PIGF: variants seen among roughly 807,000 people sequenced by gnomAD.
PIGF encodes the protein phosphatidylinositol glycan anchor biosynthesis class F.
PIGF carries 23 observed loss-of-function variants against 26.0 expected under a neutral mutation model. The ratio of observed to expected loss-of-function variants is 0.88; its 90% CI spans 0.64 to 1.25. The LOEUF (loss-of-function observed/expected upper bound fraction) is 1.25. Among genes scored for constraint, PIGF ranks in the 50% most tolerant of loss-of-function variants. The pLI, the probability that PIGF is intolerant of heterozygous loss-of-function variation, is 0.00. For missense variants in PIGF, 278 were observed against 249.9 expected, an observed-to-expected ratio of 1.11 and a Z score of -0.76; for synonymous variants, 93 against 92.6, an observed-to-expected ratio of 1.00 and a Z score of -0.03.
chr2:46,608,844 G>A (rs1670307111), intron 4 of PIGF, among the ~76,000 whole-genome samples: 1 of 152,116 alleles, frequency 6.6e-6, no homozygotes, highest in Non-Finnish European at 1.5e-5. Flanking sequence ...ATAAACAGAT[G>A]TGCTGTCATC....
At chr2:46,581,766 T>C in intron 5 of PIGF, 175 bp from the exon 6 acceptor site, 1 of 858,354 alleles carries the variant, frequency 1.2e-6, no homozygotes, top group Non-Finnish European at 1.7e-6. Context: ...CACATTTTAG[T>C]TAATGTGCAT....
At chr2:46,598,179 T>TGCA (rs1669946513) in intron 4 of PIGF, among the ~76,000 whole-genome samples, 1 of 152,176 alleles carries the variant, frequency 6.6e-6, no homozygotes, top group Non-Finnish European at 1.5e-5. Flanking sequence ...TCTCTGAATA[T>TGCA]GCATTTTGAC....
rs773273840 is a variant in PIGF, at chr2:46,588,138, A to G, written c.546+4337T>C. ...CAGTACCAAGCCCCCTGCAGGGTAC[A>G]TGGAGAGATCTATAAGTGCTACGTT... On this transcript the variant is annotated intron_variant, in intron 5 of 5. Transcript: ENST00000281382. The surrounding 1 kb of genome is among the most constrained non-coding windows in gnomAD (Gnocchi z 4.1). 1 of 1,613,118 alleles carries G rather than the reference A, an allele frequency of 6.2e-7. No homozygotes were observed. The highest frequency in any genetic ancestry group is 2.2e-5 in the East Asian group (1 of 44,800).
In PIGF at chr2:46,591,546, T is replaced by A. The variant is rs182340124; in HGVS notation, c.546+929A>T. The A allele has an allele frequency of 7.6e-6, 7 of 925,632 alleles. No individual in the cohort carries two copies. In the Admixed American group the frequency reaches 1.9e-4, roughly 24 times the overall value. 57.3% of individuals were successfully genotyped at this position (925,632 alleles called of 1,614,324 possible). A position where few individuals can be genotyped will look rare whatever the true frequency, so the allele number is the denominator to read the frequency against. On this transcript the variant is annotated intron_variant, in intron 5 of 5. Coordinates refer to ENST00000281382, the MANE Select transcript of PIGF (RefSeq NM_002643.4). ...GGAGTAATTACTCTGTGAACCTAAT[T>A]AGAAAAATTCAAGAAGCTATAGATT...
At chr2:46,602,776 C>T (rs1217343755) in intron 4 of PIGF, among the ~76,000 whole-genome samples, 1 of 151,802 alleles carries the variant, frequency 6.6e-6, no homozygotes, top group Non-Finnish European at 1.5e-5. Flanking sequence ...TAGGAAAAAG[C>T]ATGTACTATT....
intron 5 of PIGF, among the ~76,000 whole-genome samples, chr2:46,586,539 T>C (rs942067386): frequency 5.9e-5 from 9 of 152,194 alleles, no homozygotes; most frequent in African/African-American, 2.2e-4. Context: ...TACAGACATT[T>C]AGAACAACTC....
At chr2:46,594,528 G>A (rs1669820750) in intron 4 of PIGF, among the ~76,000 whole-genome samples, 1 of 123,748 alleles carries the variant, frequency 8.1e-6, no homozygotes, top group African/African-American at 3.5e-5. Context: ...AAGTAGGGCA[G>A]AGTTAGGATT....
At chr2:46,587,998 G>C in intron 5 of PIGF, 1 of 1,266,264 alleles carries the variant, frequency 7.9e-7, no homozygotes, top group Middle Eastern at 2.0e-4. Context: ...TCCCACCTGA[G>C]TAATGCTAAG....
chr2:46,596,463 A>G (rs1669888893), intron 4 of PIGF, among the ~76,000 whole-genome samples: 1 of 152,174 alleles, frequency 6.6e-6, no homozygotes, highest in Admixed American at 6.5e-5. Context: ...TTTTAAAAAT[A>G]GAAAAACTCT....
At chr2:46,593,006 T>G (rs1669769544) in intron 4 of PIGF, among the ~76,000 whole-genome samples, 1 of 152,232 alleles carries the variant, frequency 6.6e-6, no homozygotes. Flanking sequence ...CATGTACATA[T>G]GTATATTTCT....
At chr2:46,611,982 A>G (rs1487009276) in intron 4 of PIGF, among the ~76,000 whole-genome samples, 3 of 151,598 alleles carry the variant, frequency 2.0e-5, no homozygotes, top group Non-Finnish European at 2.9e-5. Context: ...TTAAACAAAC[A>G]AAAGGCTAGG....
At chr2:46,597,320 A>C (rs958894596) in intron 4 of PIGF, among the ~76,000 whole-genome samples, 11 of 152,158 alleles carry the variant, frequency 7.2e-5, no homozygotes, top group African/African-American at 2.7e-4. Context: ...GAAAGGGTAC[A>C]TGGAAAATAG....
intron 2 of PIGF, 149 bp from the exon 3 acceptor site, chr2:46,613,934 G>C (rs1443252617): frequency 1.5e-6 from 1 of 651,044 alleles, no homozygotes; most frequent in Admixed American, 3.5e-5. Context: ...CACATGTCCT[G>C]TACCGTCACA....
intron 5 of PIGF, chr2:46,582,957 T>G (rs1320360396): frequency 2.6e-5 from 4 of 152,218 alleles, no homozygotes; most frequent in Non-Finnish European, 5.9e-5. Flanking sequence ...TGGCCTTATG[T>G]ATGCTCAAAT....
chr2:46,613,407 C>G (rs1204698606), intron 3 of PIGF, among the ~76,000 whole-genome samples: 2 of 152,116 alleles, frequency 1.3e-5, no homozygotes, highest in Non-Finnish European at 2.9e-5. Flanking sequence ...TAAGTTCTTT[C>G]AGAGGTTCTA....
At chr2:46,610,526 C>CTTTTTTT (rs10690699) in intron 4 of PIGF, among the ~76,000 whole-genome samples, 1 of 110,316 alleles carries the variant, frequency 9.1e-6, no homozygotes, top group East Asian at 2.3e-4. Context: ...GTACTGATTC[C>CTTTTTTT]TTTTTTTTTT....
At chr2:46,613,937 C>T (rs1221825109) in intron 2 of PIGF, 152 bp from the exon 3 acceptor site, 1 of 630,160 alleles carries the variant, frequency 1.6e-6, no homozygotes, top group South Asian at 2.0e-5. Flanking sequence ...ATGTCCTGTA[C>T]CGTCACATAC....
In PIGF at chr2:46,594,741, G is replaced by A. The variant is rs1669828296; in HGVS notation, c.438-2158C>T. On this transcript the variant is annotated intron_variant, in intron 4 of 5. Coordinates refer to ENST00000281382, the MANE Select transcript of PIGF (RefSeq NM_002643.4). ...AGTAGAGATGGGGTTTCACCATGTTGGCCAGGCTGGTCTCGAACTCCTGAC... is the reference window on the plus strand; with the variant it reads ...AGTAGAGATGGGGTTTCACCATGTTAGCCAGGCTGGTCTCGAACTCCTGAC... Among the ~76,000 whole-genome samples the A allele has an allele frequency of 2.0e-5, 3 of 151,968 alleles. No individual in the cohort carries two copies. In the South Asian group the frequency reaches 6.2e-4, roughly 32 times the overall value.
intron 4 of PIGF, among the ~76,000 whole-genome samples, chr2:46,611,469 C>A (rs58101879): frequency 0.16 from 23,841 of 145,842 alleles, 3,053 homozygotes; most frequent in African/African-American, 0.36. Flanking sequence ...GGCGACAGAG[C>A]GAGGTTCCAT....
Sources: gnomAD v4.1 joint callset for allele counts (sites outside exome capture counted in the v4.1 genomes callset) on GRCh38, gnomAD v4.1.1 for gene constraint, Gnocchi (gnomAD v3.1) non-coding constraint, MANE v1.5 for transcripts, NCBI Gene and HGNC (gene_info 2026-07-23, HGNC 2026-07-21) for gene names.